Variants in MAPDA observed in about 807,000 individuals in gnomAD.
MAPDA encodes the protein N6-Methyl-AMP deaminase, also known as N6,N6-dimethyl-AMP deaminase.
chr15:43,352,228 A>C, the MAPDA span: 1 of 293,424 alleles, frequency 3.4e-6, no homozygotes, highest in Non-Finnish European at 6.2e-6. Context: ...TAGTGATCAT[A>C]AAATTTCAGG....
chr15:43,330,619 T>G, the MAPDA span: 3 of 1,103,562 alleles, frequency 2.7e-6, no homozygotes, highest in Non-Finnish European at 2.5e-6. Context: ...CCGCCGGCAC[T>G]TGTGCGTCAC....
the MAPDA span, among the ~76,000 whole-genome samples, chr15:43,336,469 G>A: frequency 3.3e-5 from 5 of 152,064 alleles, no homozygotes; most frequent in Admixed American, 2.0e-4. Context: ...TCTATCATTT[G>A]ATTATCTTTC....
the MAPDA span, among the ~76,000 whole-genome samples, chr15:43,334,399 G>A: frequency 6.6e-6 from 1 of 151,360 alleles, no homozygotes; most frequent in Admixed American, 6.6e-5. Context: ...AGGCTGAGGC[G>A]GGTGGATCAC....
chr15:43,343,138 TG>T, the MAPDA span: 1 of 1,164,140 alleles, frequency 8.6e-7, no homozygotes. Context: ...TTTACTGTTT[TG>T]ATCATGGGTG....
chr15:43,339,275 T>C, the MAPDA span, among the ~76,000 whole-genome samples: 1 of 152,242 alleles, frequency 6.6e-6, no homozygotes, highest in Non-Finnish European at 1.5e-5. Context: ...GCAGATGTAT[T>C]ATCTTTGGCT....
chr15:43,342,985 C>A, the MAPDA span: 1 of 1,549,738 alleles, frequency 6.5e-7, no homozygotes, highest in South Asian at 1.2e-5. Context: ...TTCTATGTGT[C>A]CTTTCTAGGA....
the MAPDA span, chr15:43,350,953 C>T: frequency 2.6e-6 from 4 of 1,551,540 alleles, no homozygotes; most frequent in Non-Finnish European, 3.5e-6. Context: ...CTCTGTTTGA[C>T]CTCAAACGTC....
chr15:43,331,011 C>G, the MAPDA span, among the ~76,000 whole-genome samples: 1 of 152,204 alleles, frequency 6.6e-6, no homozygotes, highest in Non-Finnish European at 1.5e-5. Context: ...TTAATGCTCT[C>G]ACAGTTGCAA....
the MAPDA span, chr15:43,330,525 G>A: frequency 2.0e-6 from 3 of 1,508,140 alleles, no homozygotes; most frequent in Non-Finnish European, 1.8e-6. Flanking sequence ...GTCTGTCACG[G>A]TTGTGAGCCG....
At chr15:43,334,633 T>TAATATATATATATATATATATATA in the MAPDA span, among the ~76,000 whole-genome samples, 11 of 65,170 alleles carry the variant, frequency 1.7e-4, 1 homozygote, top group Admixed American at 1.1e-3. Flanking sequence ...CTCAAAAAAA[T>TAATATATATATATATATATATATA]TATATATATA....
chr15:43,332,139 G>C, the MAPDA span: 1 of 152,192 alleles, frequency 6.6e-6, no homozygotes, highest in African/African-American at 2.4e-5. Context: ...GTGTGAGGTA[G>C]GGCAGAGAGA....
chr15:43,350,969 T>A, the MAPDA span: 2 of 1,551,598 alleles, frequency 1.3e-6, no homozygotes, highest in Non-Finnish European at 1.7e-6. Context: ...ACGTCAAAAG[T>A]CAGACAGTTC....
At chr15:43,330,399 C>A in the MAPDA span, 3 of 1,579,332 alleles carry the variant, frequency 1.9e-6, no homozygotes, top group Admixed American at 2.0e-5. Flanking sequence ...TGCACGTACC[C>A]GCGCGCGGCC....
the MAPDA span, chr15:43,347,104 A>G: frequency 8.7e-6 from 14 of 1,607,016 alleles, no homozygotes; most frequent in African/African-American, 6.7e-5. Flanking sequence ...GAGGTAAATA[A>G]TATTGTCTTA....
At chr15:43,348,895 C>T in the MAPDA span, 1 of 1,612,556 alleles carries the variant, frequency 6.2e-7, no homozygotes, top group Non-Finnish European at 8.5e-7. Flanking sequence ...CCCTTTCCTC[C>T]CCTTTCTTTA....
the MAPDA span, among the ~76,000 whole-genome samples, chr15:43,337,006 C>CG: frequency 6.6e-6 from 1 of 151,846 alleles, no homozygotes; most frequent in Non-Finnish European, 1.5e-5. Flanking sequence ...TGGTGGCTCA[C>CG]GCCTGTAATC....
At chr15:43,336,670 C>G in the MAPDA span, 2 of 1,555,572 alleles carry the variant, frequency 1.3e-6, no homozygotes, top group Non-Finnish European at 1.7e-6. Flanking sequence ...ACTAGTAGCC[C>G]TGAAGATATT....
At chr15:43,336,575 T>G in the MAPDA span, 23 of 1,408,992 alleles carry the variant, frequency 1.6e-5, no homozygotes, top group South Asian at 1.4e-4. Flanking sequence ...ATTCAGTTAG[T>G]GAGTTTCTTT....
the MAPDA span, chr15:43,335,193 C>G: frequency 4.3e-6 from 7 of 1,610,018 alleles, no homozygotes; most frequent in Non-Finnish European, 5.9e-6. Flanking sequence ...CTACAGAAAT[C>G]TTGAGTGGTT....
Sources: gnomAD v4.1 joint callset for allele counts (sites outside exome capture counted in the v4.1 genomes callset) on GRCh38, gnomAD v4.1.1 for gene constraint, MANE v1.5 for transcripts, NCBI Gene and HGNC (gene_info 2026-07-23, HGNC 2026-07-21) for gene names.